The following TMEM232 variants were observed in gnomAD, a reference collection of about 807,000 sequenced individuals.
TMEM232 encodes transmembrane protein 232.
TMEM232 carries 80 observed loss-of-function variants against 78.8 expected under a neutral mutation model. That is an observed-to-expected ratio of 1.01 (90% CI 0.85 to 1.22). TMEM232 has a LOEUF of 1.22. TMEM232 is among the 50% of genes most tolerant of loss of function. The pLI, the probability that TMEM232 is intolerant of heterozygous loss-of-function variation, is 0.00. For synonymous variants in TMEM232, 297 were observed against 254.3 expected, an observed-to-expected ratio of 1.17 and a Z score of -1.60; for missense variants, 881 against 742.2, an observed-to-expected ratio of 1.19 and a Z score of -2.17.
intron 1 of TMEM232, among the ~76,000 whole-genome samples, chr5:110,676,594 G>T (rs889572215): frequency 7.9e-5 from 12 of 151,586 alleles, no homozygotes; most frequent in South Asian, 2.1e-4. Context: ...ATGTATGTAT[G>T]TATTTATTTA....
chr5:110,518,289 T>C (rs1244689172), intron 12 of TMEM232, among the ~76,000 whole-genome samples: 2 of 152,130 alleles, frequency 1.3e-5, no homozygotes, highest in Non-Finnish European at 2.9e-5. Flanking sequence ...TTTTCCAGTT[T>C]ATTTTTTGCT....
chr5:110,525,475 T>C (rs890582195), intron 12 of TMEM232, among the ~76,000 whole-genome samples: 9 of 151,892 alleles, frequency 5.9e-5, no homozygotes, highest in Admixed American at 2.0e-4. Flanking sequence ...AAAGTACCTA[T>C]AAATAAACAT....
chr5:110,706,294 T>C (rs1376858771), intron 1 of TMEM232, among the ~76,000 whole-genome samples: 1 of 152,200 alleles, frequency 6.6e-6, no homozygotes, highest in Non-Finnish European at 1.5e-5. Context: ...CCAAAATGTA[T>C]GCTCAGGTGA....
chr5:110,497,171 A>T (rs981864922), intron 12 of TMEM232, among the ~76,000 whole-genome samples: 4 of 152,088 alleles, frequency 2.6e-5, no homozygotes, highest in Non-Finnish European at 4.4e-5. Context: ...AGCAATACCA[A>T]CCATACATTA....
intron 2 of TMEM232, among the ~76,000 whole-genome samples, chr5:110,652,299 C>CACACACACACACAA (rs1265519338): frequency 2.6e-5 from 4 of 151,936 alleles, no homozygotes; most frequent in African/African-American, 9.7e-5. Context: ...CGCGCGCACA[C>CACACACACACACAA]ACACACACAC....
At chr5:110,598,933 G>A (rs1219534610) in intron 10 of TMEM232, among the ~76,000 whole-genome samples, 1 of 150,942 alleles carries the variant, frequency 6.6e-6, no homozygotes, top group African/African-American at 2.4e-5. Flanking sequence ...AATGGGTGCA[G>A]CACACCAGCA....
chr5:110,583,966 CA>C (rs60079206), intron 10 of TMEM232, among the ~76,000 whole-genome samples: 11,504 of 98,982 alleles, frequency 0.12, 422 homozygotes, highest in Admixed American at 0.17. Flanking sequence ...TATCTATTAT[CA>C]AAAAAAAAAA....
chr5:110,468,300 GTTTT>G (rs58284722), intron 12 of TMEM232, among the ~76,000 whole-genome samples: 18 of 151,638 alleles, frequency 1.2e-4, no homozygotes, highest in Admixed American at 1.1e-3. Flanking sequence ...ATAAAATAAT[GTTTT>G]TTTAACATAA....
Position 110,528,704 on chromosome 5 carries a change from G to A in TMEM232, c.1587C>T (p.Pro529=), listed in dbSNP as rs1477532003. ...AAGGAAGAAAATGGGCCTCAATGGG[G>A]GGAAAGAATAGTTTGGAAAGAGTGT... ...IANTLSKLFF[P]PIEAHFLPLK... is the part of the protein sequence containing the mutation. Residue 529 remains proline (P), a synonymous_variant, in exon 12 of 14, where the codon CCC becomes CCT. Coordinates refer to ENST00000455884, the MANE Select transcript of TMEM232 (RefSeq NM_001039763.4). The A allele has an allele frequency of 5.2e-6, 8 of 1,534,670 alleles. No individual in the cohort carries two copies. Among genetic ancestry groups the A allele is most frequent in the Non-Finnish European group, 7.0e-6 (8 of 1,146,272 alleles).
At chr5:110,519,245 C>T (rs536943575) in intron 12 of TMEM232, among the ~76,000 whole-genome samples, 3 of 152,210 alleles carry the variant, frequency 2.0e-5, no homozygotes, top group Non-Finnish European at 4.4e-5. Context: ...GGACTTCCAA[C>T]AATCAAAACA....
chr5:110,539,592 C>G (rs1023991429), intron 11 of TMEM232, among the ~76,000 whole-genome samples: 2 of 152,196 alleles, frequency 1.3e-5, no homozygotes, highest in African/African-American at 2.4e-5. Flanking sequence ...CAACAATACA[C>G]TTGGACAGTG....
At chr5:110,705,115 C>T (rs1183892465) in intron 1 of TMEM232, among the ~76,000 whole-genome samples, 1 of 152,126 alleles carries the variant, frequency 6.6e-6, no homozygotes, top group African/African-American at 2.4e-5. Context: ...ACCCATCTCA[C>T]CTGAACTTGG....
rs944062293 is a variant in TMEM232 at position 110,409,699 on chromosome 5, TC to T, written n.309-11846del. 7.9e-4 allele frequency among the ~76,000 whole-genome samples: 121 copies of T among 152,224 alleles called. 1 individual carries two copies. The highest frequency in any genetic ancestry group is 2.9e-3 in the African/African-American group (119 of 41,524). On this transcript the variant is annotated intron_variant and non_coding_transcript_variant, in intron 2 of 8. Transcript: ENST00000507188. ...AGTATCTTTAGCTCTTGCTACATAT[TC>T]TTTTTTTTTTCAGGGTTGGGATGGT...
chr5:110,683,238 C>G (rs951156843), intron 1 of TMEM232, among the ~76,000 whole-genome samples: 1 of 151,952 alleles, frequency 6.6e-6, no homozygotes, highest in African/African-American at 2.4e-5. Context: ...TAATTGATAA[C>G]TATAAAATAC....
At chr5:110,643,312 T>G (rs918725741) in intron 2 of TMEM232, among the ~76,000 whole-genome samples, 67 of 152,058 alleles carry the variant, frequency 4.4e-4, no homozygotes, top group African/African-American at 1.5e-3. Context: ...GTGTAAGCAG[T>G]TGGATATATG....
At chr5:110,596,321 T>C (rs187584217) in intron 10 of TMEM232, among the ~76,000 whole-genome samples, 3,006 of 152,186 alleles carry the variant, frequency 0.02, 90 homozygotes, top group African/African-American at 0.069. Flanking sequence ...CAGGAAGAAG[T>C]TGAATCTCTG....
upstream of TMEM232, chr5:110,738,860 C>A: frequency 4.0e-6 from 3 of 751,700 alleles, no homozygotes; most frequent in Non-Finnish European, 6.1e-6. Context: ...CAACCATATT[C>A]CCACCTATTC....
At chr5:110,514,691 G>C (rs973550428) in intron 12 of TMEM232, among the ~76,000 whole-genome samples, 1 of 152,048 alleles carries the variant, frequency 6.6e-6, no homozygotes, top group Non-Finnish European at 1.5e-5. Flanking sequence ...TCATGAAACA[G>C]AACAAGACAG....
intron 1 of TMEM232, among the ~76,000 whole-genome samples, chr5:110,722,090 T>C (rs993460550): frequency 2.0e-5 from 3 of 151,822 alleles, no homozygotes; most frequent in Non-Finnish European, 4.4e-5. Context: ...CTGCAGAAGA[T>C]AGAGATGTGG....
Sources: allele counts gnomAD v4.1 joint callset (sites outside exome capture counted in the v4.1 genomes callset), GRCh38; gene constraint gnomAD v4.1.1; transcripts MANE v1.5; gene names NCBI Gene and HGNC (gene_info 2026-07-23, HGNC 2026-07-21).